RASA1: variants seen among roughly 807,000 people sequenced by gnomAD.
The protein encoded by RASA1 is ras GTPase-activating protein 1.
Under a neutral mutation model 132.2 loss-of-function variants are expected in RASA1, and 25 were observed. That is an observed-to-expected ratio of 0.19 (90% CI 0.14 to 0.26). RASA1 has a LOEUF of 0.26. Ranked by LOEUF, RASA1 falls within the 10% of genes least tolerant of loss-of-function variation. RASA1 has a pLI of 1.00. For synonymous variants in RASA1, 477 were observed against 449.9 expected (o/e 1.06, Z -0.76); for missense variants, 964 against 1,299.2 (o/e 0.74, Z 3.97).
At chr5:87,385,116 G>T (rs901329721) in intron 21 of RASA1, among the ~76,000 whole-genome samples, 185 bp from the exon 22 acceptor site, 4 of 152,026 alleles carry the variant, frequency 2.6e-5, no homozygotes, top group African/African-American at 9.7e-5. Flanking sequence ...TTTAATTCAA[G>T]TTCTTTTGAA....
At chr5:87,280,874 A>G (rs986603308) in intron 1 of RASA1, among the ~76,000 whole-genome samples, 1 of 149,854 alleles carries the variant, frequency 6.7e-6, no homozygotes, top group Non-Finnish European at 1.5e-5. Context: ...CTCCTGCCTC[A>G]GCATCCCGAG....
At chr5:87,314,521 A>T (rs796299209) in intron 1 of RASA1, among the ~76,000 whole-genome samples, 1 of 152,220 alleles carries the variant, frequency 6.6e-6, no homozygotes, top group Non-Finnish European at 1.5e-5. Context: ...GACTGATTGG[A>T]TATGAGGGAA....
intron 24 of RASA1, 118 bp downstream of exon 24, chr5:87,389,645 T>A: frequency 7.6e-7 from 1 of 1,313,574 alleles, no homozygotes; most frequent in Non-Finnish European, 1.1e-6. Context: ...TTTGAGACTC[T>A]GCATCATATT....
chr5:87,371,627 T>C lies in RASA1; in HGVS notation c.1699-491T>C, dbSNP rs185830133. ...AAATCCCCTTATACATTTCTACCTG[T>C]ATCATGGTCTAAAGTATAGATTAAT... On this transcript the variant is annotated intron_variant, in intron 12 of 24. Coordinates refer to ENST00000274376, the MANE Select transcript of RASA1 (RefSeq NM_002890.3). Among the ~76,000 whole-genome samples, 98 of 152,236 alleles carry C rather than the reference T, an allele frequency of 6.4e-4. 1 individual carries two copies. The Middle Eastern group carries it at 0.01, about 16-fold the overall frequency.
chr5:87,347,589 A>G (rs1758953418), intron 7 of RASA1, among the ~76,000 whole-genome samples: 1 of 152,008 alleles, frequency 6.6e-6, no homozygotes, highest in Non-Finnish European at 1.5e-5. Context: ...TATAGAGGTA[A>G]TCTGAATTGT....
intron 1 of RASA1, among the ~76,000 whole-genome samples, chr5:87,327,968 C>CA (rs777320325): frequency 0.047 from 5,290 of 111,888 alleles, 180 homozygotes; most frequent in African/African-American, 0.11. Context: ...CTCCGTTTCC[C>CA]AAAAAAAAAA....
chr5:87,311,366 ATACT>A (rs1183448116), intron 1 of RASA1, among the ~76,000 whole-genome samples: 1 of 152,214 alleles, frequency 6.6e-6, no homozygotes, highest in Non-Finnish European at 1.5e-5. Context: ...GGTTTCCCAA[ATACT>A]TAATGACTTT....
intron 12 of RASA1, 32 bp from the exon 13 acceptor site, chr5:87,372,086 A>G (rs375096620): frequency 1.4e-5 from 23 of 1,593,182 alleles, no homozygotes; most frequent in African/African-American, 2.7e-5. Context: ...AAACTAGTGT[A>G]TATTTCTTTG....
At chr5:87,355,574 T>C (rs934032355) in intron 9 of RASA1, among the ~76,000 whole-genome samples, 1 of 152,236 alleles carries the variant, frequency 6.6e-6, no homozygotes, top group Non-Finnish European at 1.5e-5. Flanking sequence ...ACAAGGAGAT[T>C]GTTGTTTTCA....
intron 12 of RASA1, 34 bp from the exon 13 acceptor site, chr5:87,372,084 G>GT: frequency 1.3e-6 from 2 of 1,588,410 alleles, no homozygotes; most frequent in Non-Finnish European, 1.7e-6. Flanking sequence ...ATAAACTAGT[G>GT]TATATTTCTT....
At chr5:87,293,863 T>C (rs905714927) in intron 1 of RASA1, among the ~76,000 whole-genome samples, 2 of 152,152 alleles carry the variant, frequency 1.3e-5, no homozygotes, top group Non-Finnish European at 2.9e-5. Flanking sequence ...TAGATTTATT[T>C]ACAATATTAG....
At chr5:87,360,273 C>T (rs62368950) in intron 9 of RASA1, among the ~76,000 whole-genome samples, 10,740 of 152,002 alleles carry the variant, frequency 0.071, 479 homozygotes, top group Non-Finnish European at 0.1. Context: ...ATTACAGGCA[C>T]GCGCCACCAC....
At position 87,390,943 on chromosome 5, in the gene RASA1, G is replaced by C; in HGVS notation, c.*60G>C. The C allele has an allele frequency of 1.3e-6, 2 of 1,496,782 alleles. No individual in the cohort carries two copies. The highest frequency in any genetic ancestry group is 1.9e-6 in the Non-Finnish European group (2 of 1,074,298). 92.7% of individuals were successfully genotyped at this position (1,496,782 alleles called of 1,614,324 possible). ...ATGTCCAACATGGTAATTCACTTCA[G>C]TTTAATGTCTCCTTTGCTCTTGCCA... On this transcript the variant is annotated 3_prime_UTR_variant, in exon 25 of 25. Coordinates refer to ENST00000274376, the MANE Select transcript of RASA1 (RefSeq NM_002890.3).
intron 23 of RASA1, among the ~76,000 whole-genome samples, chr5:87,387,231 T>C (rs1371913055): frequency 1.3e-5 from 2 of 152,106 alleles, no homozygotes; most frequent in African/African-American, 2.4e-5. Context: ...CTCCTTAGCT[T>C]TTTTACTTTG....
chr5:87,285,608 T>G (rs947683427), intron 1 of RASA1, among the ~76,000 whole-genome samples: 3 of 150,024 alleles, frequency 2.0e-5, no homozygotes, highest in Non-Finnish European at 4.4e-5. Context: ...GTCAGTCTCT[T>G]TTTCTTTTTC....
At chr5:87,301,691 A>C (rs1425961546) in intron 1 of RASA1, among the ~76,000 whole-genome samples, 1 of 152,054 alleles carries the variant, frequency 6.6e-6, no homozygotes, top group Non-Finnish European at 1.5e-5. Flanking sequence ...AGCATCCTTA[A>C]TCTGAAATCC....
At chr5:87,285,191 C>G (rs974403853) in intron 1 of RASA1, among the ~76,000 whole-genome samples, 5 of 151,766 alleles carry the variant, frequency 3.3e-5, no homozygotes, top group African/African-American at 1.2e-4. Context: ...CCTCAGCTTC[C>G]CAAGTAGCTG....
chr5:87,373,230 A>G (rs2112482444), intron 13 of RASA1, among the ~76,000 whole-genome samples: 1 of 151,676 alleles, frequency 6.6e-6, no homozygotes, highest in South Asian at 2.1e-4. Context: ...GCATCAGTGG[A>G]CTCTACCAAC....
intron 1 of RASA1, 178 bp from the exon 2 acceptor site, chr5:87,331,170 G>A: frequency 1.1e-6 from 1 of 911,830 alleles, no homozygotes. Flanking sequence ...AAGTAAATGA[G>A]TATTTTTTGA....
Sources: allele counts gnomAD v4.1 joint callset (sites outside exome capture counted in the v4.1 genomes callset), GRCh38; gene constraint gnomAD v4.1.1; transcripts MANE v1.5; gene names NCBI Gene and HGNC (gene_info 2026-07-23, HGNC 2026-07-21).